Variants in ESR1 observed in about 807,000 individuals in gnomAD.
ESR1 encodes estrogen receptor 1.
In ESR1, 12 loss-of-function variants were observed where a neutral mutation model predicts 52.7. The observed-to-expected ratio is 0.23, with a 90% CI of 0.15 to 0.37. The LOEUF is 0.37. Ranked by LOEUF, ESR1 falls within the 10% of genes least tolerant of loss-of-function variation. The pLI, the probability that ESR1 is intolerant of heterozygous loss-of-function variation, is 1.00. For missense variants in ESR1, 584 were observed against 779.7 expected (o/e 0.75, Z 2.99); for synonymous variants, 305 against 316.8 (o/e 0.96, Z 0.39).
At chr6:152,116,782 C>T (rs965421963) in intron 6 of ESR1, among the ~76,000 whole-genome samples, 1 of 151,428 alleles carries the variant, frequency 6.6e-6, no homozygotes, top group South Asian at 2.1e-4. Context: ...CAAATATATA[C>T]ATCATTATAA....
At chr6:151,977,809 T>TA (rs771117570) in intron 4 of ESR1, among the ~76,000 whole-genome samples, 15 of 149,658 alleles carry the variant, frequency 1.0e-4, no homozygotes, top group Non-Finnish European at 1.9e-4. Flanking sequence ...ATAATAATAA[T>TA]AAAAAAAAGT....
chr6:152,059,891 A>C (rs1461625770), intron 5 of ESR1, among the ~76,000 whole-genome samples: 2 of 152,226 alleles, frequency 1.3e-5, no homozygotes, highest in South Asian at 2.1e-4. Flanking sequence ...TGTCAAAAAA[A>C]GTTGATGGAG....
chr6:152,124,818 A>G lies in ESR1; in HGVS notation c.851-448A>G, dbSNP rs368958735. Among the ~76,000 whole-genome samples the G allele has an allele frequency of 7.4e-4, 113 of 152,356 alleles. No homozygotes were observed. The Middle Eastern group carries it at 0.01, about 14-fold the overall frequency. ...CTGAGCATAAAATATTCATGTTGAGACAGGGCCTTAGAGAGCATCCAGTTC... is the reference window on the plus strand; with the variant it reads ...CTGAGCATAAAATATTCATGTTGAGGCAGGGCCTTAGAGAGCATCCAGTTC... On this transcript the variant is annotated intron_variant, in intron 6 of 6. Coordinates refer to the ESR1 transcript ENST00000427531.
In ESR1 at chr6:152,003,338, T is replaced by TTG. The variant is rs529797103; in HGVS notation, c.1097-8317_1097-8316insGT. On this transcript the variant is annotated intron_variant, in intron 4 of 7. Coordinates refer to ENST00000206249, the MANE Select transcript of ESR1 (RefSeq NM_000125.4). ...GTTAAATGGAGGGAAAAAAGGGTAA[T>TTG]TATGTGTGTGTGTGTGTGTGTGTGT... Among the ~76,000 whole-genome samples the TTG allele has an allele frequency of 1.1e-3, 147 of 128,690 alleles. No homozygotes were observed. The South Asian group carries it at 0.017, about 15-fold the overall frequency. The allele number at this position is 128,690 out of a possible 152,430, so 84.4% of individuals were successfully genotyped here.
intron 7 of ESR1, among the ~76,000 whole-genome samples, chr6:152,097,355 A>G (rs975439712): frequency 1.3e-5 from 2 of 152,148 alleles, no homozygotes; most frequent in Admixed American, 6.6e-5. Context: ...CACAAGGAAC[A>G]CAGTGGCAGA....
At chr6:152,018,191 A>G (rs921323456) in intron 5 of ESR1, among the ~76,000 whole-genome samples, 4 of 152,162 alleles carry the variant, frequency 2.6e-5, no homozygotes, top group African/African-American at 9.7e-5. Context: ...CTTCTACTAA[A>G]TAGCAGACTG....
chr6:151,993,835 T>A (rs2041246189), intron 4 of ESR1, among the ~76,000 whole-genome samples: 1 of 152,194 alleles, frequency 6.6e-6, no homozygotes, highest in Non-Finnish European at 1.5e-5. Context: ...TCTGCACCAA[T>A]GTCTTCCATT....
chr6:152,112,088 G>T (rs1263671687), intron 6 of ESR1, among the ~76,000 whole-genome samples: 2 of 152,170 alleles, frequency 1.3e-5, no homozygotes, highest in Non-Finnish European at 2.9e-5. Flanking sequence ...GTTTATTTTA[G>T]TTACTTGGCA....
At chr6:151,990,330 C>T (rs910294879) in intron 4 of ESR1, among the ~76,000 whole-genome samples, 1 of 151,796 alleles carries the variant, frequency 6.6e-6, no homozygotes, top group Admixed American at 6.6e-5. Flanking sequence ...GCTACCCTAC[C>T]AAATTTACAT....
At chr6:151,787,102 C>T (rs1360482887) in intron 2 of ESR1, among the ~76,000 whole-genome samples, 1 of 152,202 alleles carries the variant, frequency 6.6e-6, no homozygotes, top group Non-Finnish European at 1.5e-5. Context: ...AGCCACCGTG[C>T]CTGGCTGCAT....
chr6:152,033,555 A>C (rs1171742454), intron 5 of ESR1, among the ~76,000 whole-genome samples: 1 of 152,208 alleles, frequency 6.6e-6, no homozygotes, highest in African/African-American at 2.4e-5. Flanking sequence ...GCTCATCATC[A>C]CTGGCCATCA....
intron 1 of ESR1, among the ~76,000 whole-genome samples, chr6:151,701,601 G>T (rs1167757729): frequency 3.3e-5 from 5 of 151,750 alleles, no homozygotes; most frequent in Non-Finnish European, 5.9e-5. Context: ...TGGTGTAGTG[G>T]ATTATGGCCT....
chr6:151,743,601 A>G (rs930065828), intron 2 of ESR1, among the ~76,000 whole-genome samples: 2 of 152,072 alleles, frequency 1.3e-5, no homozygotes, highest in Non-Finnish European at 1.5e-5. Context: ...ACTTCATAGA[A>G]CTTGGTCTCT....
chr6:152,102,864 C>T lies in ESR1; in HGVS notation c.*3898C>T, dbSNP rs758872250. On this transcript the variant is annotated 3_prime_UTR_variant, in exon 8 of 8. Coordinates refer to ENST00000206249, the MANE Select transcript of ESR1 (RefSeq NM_000125.4). ...CAGTGTGTGTGTTTAGAGCTGTGCA[C>T]CCTAGAAACAACATATTGTCCCATG... 5 of 226,346 alleles carry T rather than the reference C, an allele frequency of 2.2e-5. No individual in the cohort carries two copies. The highest frequency in any genetic ancestry group is 4.4e-5 in the Non-Finnish European group (5 of 113,608). 14.0% of individuals were successfully genotyped at this position (226,346 alleles called of 1,614,324 possible).
chr6:152,060,703 A>G (rs1267646810), intron 5 of ESR1, among the ~76,000 whole-genome samples: 1 of 152,194 alleles, frequency 6.6e-6, no homozygotes, highest in Non-Finnish European at 1.5e-5. Context: ...TCAATTACCC[A>G]TAGGTTGAAG....
chr6:152,034,122 C>T (rs930253914), intron 5 of ESR1, among the ~76,000 whole-genome samples: 11 of 138,184 alleles, frequency 8.0e-5, no homozygotes, highest in Non-Finnish European at 1.5e-4. Flanking sequence ...AGGGGAACAT[C>T]ACACACCGGG....
At chr6:151,692,042 C>A (rs558579809) in intron 1 of ESR1, among the ~76,000 whole-genome samples, 1 of 152,130 alleles carries the variant, frequency 6.6e-6, no homozygotes, top group Non-Finnish European at 1.5e-5. Flanking sequence ...AGAATACAAG[C>A]GTCGTATTTA....
At chr6:151,777,279 G>T (rs947711582) in intron 2 of ESR1, among the ~76,000 whole-genome samples, 1 of 151,720 alleles carries the variant, frequency 6.6e-6, no homozygotes, top group Non-Finnish European at 1.5e-5. Context: ...CACCAAGCCT[G>T]GCTAATTTTT....
chr6:151,675,412 G>A (rs967753078), intron 1 of ESR1, among the ~76,000 whole-genome samples: 3 of 152,042 alleles, frequency 2.0e-5, no homozygotes, highest in Admixed American at 1.3e-4. Context: ...GTTCTAATAA[G>A]TTTCTGAGCT....
Sources: allele counts gnomAD v4.1 joint callset (sites outside exome capture counted in the v4.1 genomes callset), GRCh38; gene constraint gnomAD v4.1.1; transcripts MANE v1.5; gene names NCBI Gene and HGNC (gene_info 2026-07-23, HGNC 2026-07-21).